The following RFTN1 variants were observed in gnomAD, a reference collection of about 807,000 sequenced individuals.
The protein encoded by RFTN1 is raftlin, lipid raft linker 1, also known as raftlin.
Under a neutral mutation model 46.5 loss-of-function variants are expected in RFTN1, and 26 were observed. The ratio of observed to expected loss-of-function variants is 0.56; its 90% confidence interval spans 0.41 to 0.78. The LOEUF (loss-of-function observed/expected upper bound fraction) is 0.78. Among genes scored for constraint, RFTN1 ranks in the 30% least tolerant of loss-of-function variants. The pLI is 0.00. For missense variants in RFTN1, 693 were observed against 718.7 expected (o/e 0.96, Z 0.41); for synonymous variants, 261 against 284.2 (o/e 0.92, Z 0.82).
intron 2 of RFTN1, among the ~76,000 whole-genome samples, chr3:16,469,287 G>A (rs192739847): frequency 5.9e-5 from 9 of 152,356 alleles, no homozygotes; most frequent in East Asian, 1.9e-4. Flanking sequence ...GAAGGACTTC[G>A]AAGCGTGACT....
Position 16,316,899 on chromosome 3 carries a change from T to G in RFTN1, c.1666A>C (p.Asn556His), listed in dbSNP as rs2068451628. ...CCGTCCCTGGCATCCTCTCCAGGAT[T>G]GGAGTGCCCAGTGCAAATCCCCACC... ...ALVGICTGHS[N>H]PGEDARDGDA... Residue 556 changes from asparagine (N) to histidine (H), a missense_variant, in exon 10 of 10, where the codon AAT becomes CAT. Asn to His is a moderately conservative substitution (Grantham distance 68). Transcript: ENST00000334133. This position sits in a 1 kb window ranked among gnomAD's most constrained non-coding sequence, Gnocchi z 4.5. 6.2e-7 allele frequency: 1 copy of G among 1,614,058 alleles called. No individual in the cohort carries two copies. Among genetic ancestry groups the G allele is most frequent in the Admixed American group, 1.7e-5 (1 of 60,006 alleles).
intron 2 of RFTN1, among the ~76,000 whole-genome samples, chr3:16,453,970 G>A (rs1196052185): frequency 6.6e-6 from 1 of 152,064 alleles, no homozygotes; most frequent in East Asian, 1.9e-4. Flanking sequence ...CATATCCCAG[G>A]ACTTCCTTCC....
rs765190147 is a variant in RFTN1, at chr3:16,474,785, C to G, written c.145+18940G>C. Among the ~76,000 whole-genome samples, 1 of 152,196 alleles carries G rather than the reference C, an allele frequency of 6.6e-6. No homozygotes were observed. The highest frequency in any genetic ancestry group is 2.4e-5 in the African/African-American group (1 of 41,448). On this transcript the variant is annotated intron_variant, in intron 2 of 9. Transcript: ENST00000334133. The surrounding 1 kb of genome is among the most constrained non-coding windows in gnomAD (Gnocchi z 5.5). The stretch of plus-strand genomic sequence containing the variant: ...CATGGAGCCAGTTGGGAGATGACAT[C>G]TTGACAAGTTGGACTCTTTCGGGAC...
chr3:16,390,023 T>C (rs1228249005), intron 4 of RFTN1, among the ~76,000 whole-genome samples: 1 of 152,242 alleles, frequency 6.6e-6, no homozygotes, highest in Non-Finnish European at 1.5e-5. Flanking sequence ...GCCAGCCATA[T>C]GAGTGTGCCA....
At chr3:16,392,375 G>C (rs1050738322) in intron 4 of RFTN1, among the ~76,000 whole-genome samples, 2 of 152,070 alleles carry the variant, frequency 1.3e-5, no homozygotes, top group African/African-American at 4.8e-5. Context: ...CATGCCATGA[G>C]GTTAGTTCAA....
chr3:16,496,377 A>G (rs1266184423), intron 1 of RFTN1, among the ~76,000 whole-genome samples: 1 of 152,238 alleles, frequency 6.6e-6, no homozygotes, highest in Non-Finnish European at 1.5e-5. Context: ...AAGAGCGCCT[A>G]ACAAATTGAT....
chr3:16,510,298 A>G (rs2076875253), intron 1 of RFTN1, among the ~76,000 whole-genome samples: 1 of 152,164 alleles, frequency 6.6e-6, no homozygotes, highest in Non-Finnish European at 1.5e-5. Flanking sequence ...CTACCAATAG[A>G]CCAGAAATCC....
intron 2 of RFTN1, among the ~76,000 whole-genome samples, chr3:16,441,775 G>A (rs540180853): frequency 6.6e-6 from 1 of 152,320 alleles, no homozygotes; most frequent in African/African-American, 2.4e-5. Flanking sequence ...ATTCCCTCGG[G>A]AAATTTCCCT....
At position 16,429,469 on chromosome 3, in the gene RFTN1, C is replaced by T. The variant is rs1455073388; in HGVS notation, c.332+4382G>A. Among the ~76,000 whole-genome samples the T allele has an allele frequency of 1.3e-5, 2 of 152,226 alleles. No individual in the cohort carries two copies. The highest frequency in any genetic ancestry group is 6.5e-5 in the Admixed American group (1 of 15,280). On this transcript the variant is annotated intron_variant, in intron 3 of 9. Transcript: ENST00000334133. This position sits in a 1 kb window ranked among gnomAD's most constrained non-coding sequence, Gnocchi z 6.4. ...AAGTTAAAAGCTGCCCCTCCAGAAA[C>T]ATTTCCTTGGTTTCCCTTCCAGTGA...
In RFTN1 at chr3:16,381,462, G is replaced by A. The variant is rs1227013087; in HGVS notation, c.442-3360C>T. On this transcript the variant is annotated intron_variant, in intron 4 of 9. Coordinates refer to ENST00000334133, the MANE Select transcript of RFTN1 (RefSeq NM_015150.2). The surrounding 1 kb of genome is among the most constrained non-coding windows in gnomAD (Gnocchi z 4.2). ...AAGTTTCTCCGAGTAGATCAGGGATGTAACAAATGACGTGGTGTAACACAA... is the reference window on the plus strand; with the variant it reads ...AAGTTTCTCCGAGTAGATCAGGGATATAACAAATGACGTGGTGTAACACAA... Among the ~76,000 whole-genome samples the A allele has an allele frequency of 6.6e-6, 1 of 152,242 alleles. No individual in the cohort carries two copies. Among genetic ancestry groups the A allele is most frequent in the Non-Finnish European group, 1.5e-5 (1 of 68,048 alleles).
At chr3:16,319,041 GTTTCCAGGCACC>G (rs2068745828) in intron 9 of RFTN1, among the ~76,000 whole-genome samples, 1 of 152,210 alleles carries the variant, frequency 6.6e-6, no homozygotes, top group African/African-American at 2.4e-5. Context: ...AGCCTCCATA[GTTTCCAGGCACC>G]GTGTTATGGT....
intron 6 of RFTN1, among the ~76,000 whole-genome samples, chr3:16,358,284 T>C (rs2072592262): frequency 6.6e-6 from 1 of 152,204 alleles, no homozygotes. Context: ...TGAGCCCAAA[T>C]TTCATTGTTA....
At position 16,385,981 on chromosome 3, in the gene RFTN1, A is replaced by C. The variant is rs371500868; in HGVS notation, c.442-7879T>G. 6.6e-6 allele frequency among the ~76,000 whole-genome samples: 1 copy of C among 152,356 alleles called. No individual in the cohort carries two copies. The highest frequency in any genetic ancestry group is 2.4e-5 in the African/African-American group (1 of 41,584). ...GCTGCAAGACCCCCAGGCTTCCATT[A>C]AATGCTGCTGCACACCCACAAGGAA... On this transcript the variant is annotated intron_variant, in intron 4 of 9. Transcript: ENST00000334133. The surrounding 1 kb of genome is among the most constrained non-coding windows in gnomAD (Gnocchi z 5.0).
At position 16,380,822 on chromosome 3, in the gene RFTN1, C is replaced by T. The variant is rs2073965461; in HGVS notation, c.442-2720G>A. Among the ~76,000 whole-genome samples, 1 of 152,170 alleles carries T rather than the reference C, an allele frequency of 6.6e-6. No homozygotes were observed. The highest frequency in any genetic ancestry group is 1.9e-4 in the East Asian group (1 of 5,202). On this transcript the variant is annotated intron_variant, in intron 4 of 9. Transcript: ENST00000334133. This position sits in a 1 kb window ranked among gnomAD's most constrained non-coding sequence, Gnocchi z 4.8. The stretch of plus-strand genomic sequence containing the variant: ...TGCATCCCCAGTAATAGAATGATGT[C>T]TGACATATAGCAGGTCCTCAATAAA...
At chr3:16,350,475 C>T (rs1224581901) in intron 7 of RFTN1, among the ~76,000 whole-genome samples, 1 of 148,416 alleles carries the variant, frequency 6.7e-6, no homozygotes, top group Non-Finnish European at 1.5e-5. Context: ...TAAATGAGCT[C>T]AAGCTGAGAT....
chr3:16,454,705 T>G, intron 2 of RFTN1: 1 of 949,412 alleles, frequency 1.1e-6, no homozygotes, highest in Non-Finnish European at 1.3e-6. Context: ...TTCACAACTC[T>G]TTCTAGAAGA....
In RFTN1 at chr3:16,493,763, T is replaced by C. The variant is rs375440169; in HGVS notation, c.107A>G (p.Tyr36Cys). The C allele has an allele frequency of 5.6e-6, 9 of 1,604,650 alleles. No individual in the cohort carries two copies. The highest frequency in any genetic ancestry group is 1.3e-5 in the African/African-American group (1 of 74,326). ...PQVETKIDVS[Y>C]EYRFLEFTTL... ...CGTGAACTCCAGGAAGCGGTATTCA[T>C]AGGACACATCTATCTTGGTTTCCAC... Residue 36 changes from tyrosine (Y) to cysteine (C), a missense_variant, in exon 2 of 10, where the codon TAT becomes TGT. Coordinates refer to ENST00000334133, the MANE Select transcript of RFTN1 (RefSeq NM_015150.2).
In RFTN1 at chr3:16,321,788, C is replaced by T. The variant is rs1200554600; in HGVS notation, c.1332+1588G>A. Among the ~76,000 whole-genome samples, 1 of 152,212 alleles carries T rather than the reference C, an allele frequency of 6.6e-6. No homozygotes were observed. The highest frequency in any genetic ancestry group is 2.4e-5 in the African/African-American group (1 of 41,442). On this transcript the variant is annotated intron_variant, in intron 9 of 9. Coordinates refer to ENST00000334133, the MANE Select transcript of RFTN1 (RefSeq NM_015150.2). The surrounding 1 kb of genome is among the most constrained non-coding windows in gnomAD (Gnocchi z 4.8). ...GACTGAAAAAACAGTGGGTCCCATC[C>T]TCTCTGAATTTTCCCTGAGGAGAGT...
chr3:16,473,469 C>T lies in RFTN1; in HGVS notation c.145+20256G>A, dbSNP rs569866268. Reference sequence around the variant, plus strand: ...AGGCTGGAGTGCAGTGGTGTGATCTCGGCTCACTGCAATCTCTGCCTCCTG... The same window carrying T: ...AGGCTGGAGTGCAGTGGTGTGATCTTGGCTCACTGCAATCTCTGCCTCCTG... On this transcript the variant is annotated intron_variant, in intron 2 of 9. Transcript: ENST00000334133. This position sits in a 1 kb window ranked among gnomAD's most constrained non-coding sequence, Gnocchi z 5.3. 9.3e-5 allele frequency among the ~76,000 whole-genome samples: 14 copies of T among 150,308 alleles called. No homozygotes were observed. Among genetic ancestry groups the T allele is most frequent in the Non-Finnish European group, 1.6e-4 (11 of 67,542 alleles).
Sources: gnomAD v4.1 joint callset for allele counts (sites outside exome capture counted in the v4.1 genomes callset) on GRCh38, gnomAD v4.1.1 for gene constraint, Gnocchi (gnomAD v3.1) non-coding constraint, MANE v1.5 for transcripts, NCBI Gene and HGNC (gene_info 2026-07-23, HGNC 2026-07-21) for gene names.